Variants in CHAF1B observed in about 807,000 individuals in gnomAD.
The protein encoded by CHAF1B is chromatin assembly factor 1 subunit B, also known as CAF-1 subunit B.
Under a neutral mutation model 60.7 loss-of-function variants are expected in CHAF1B, and 10 were observed. The ratio of observed to expected loss-of-function variants is 0.16; its 90% CI spans 0.10 to 0.28. The LOEUF (loss-of-function observed/expected upper bound fraction) is 0.28, where lower values mean the gene tolerates loss of function less well. CHAF1B is among the 10% of genes least tolerant of loss of function. The probability of loss-of-function intolerance (pLI) is 1.00; values close to 1 mark genes in which losing one functional copy is unlikely to be tolerated. For missense variants in CHAF1B, 558 were observed against 708.4 expected (o/e 0.79, Z 2.41); for synonymous variants, 261 against 266.1 (o/e 0.98, Z 0.19).
At chr21:36,407,318 G>A (rs1014983373) in intron 8 of CHAF1B, among the ~76,000 whole-genome samples, 14 of 142,970 alleles carry the variant, frequency 9.8e-5, no homozygotes, top group African/African-American at 3.7e-4. Flanking sequence ...AAAAAAAAAA[G>A]TATATGTTCA....
intron 8 of CHAF1B, among the ~76,000 whole-genome samples, chr21:36,403,289 C>G (rs117284714): frequency 0.02 from 3,005 of 151,752 alleles, 55 homozygotes; most frequent in Admixed American, 0.043. Context: ...GAAACACCCT[C>G]TCTATTAAAA....
At chr21:36,393,100 C>G (rs907030938) in intron 4 of CHAF1B, among the ~76,000 whole-genome samples, 3 of 152,308 alleles carry the variant, frequency 2.0e-5, no homozygotes, top group Non-Finnish European at 4.4e-5. Context: ...CAATCCCAGG[C>G]ACTCGGCAGG....
intron 12 of CHAF1B, among the ~76,000 whole-genome samples, chr21:36,413,673 C>A (rs1317853446): frequency 6.6e-6 from 1 of 152,222 alleles, no homozygotes; most frequent in Non-Finnish European, 1.5e-5. Context: ...TTTGAGGCCT[C>A]TGTCCTTCCC....
At chr21:36,416,164 T>C (rs2086317530) in intron 13 of CHAF1B, 111 bp from the exon 14 acceptor site, 5 of 907,352 alleles carry the variant, frequency 5.5e-6, no homozygotes, top group African/African-American at 3.3e-5. Context: ...CAGTATAGGA[T>C]CTTGCCAGGC....
rs566692589 is a variant in CHAF1B at position 36,396,276 on chromosome 21, A to G, written c.482-1139A>G. 2.7e-5 allele frequency among the ~76,000 whole-genome samples: 4 copies of G among 147,060 alleles called. No homozygotes were observed. In the East Asian group the frequency reaches 8.3e-4, roughly 31 times the overall value. On this transcript the variant is annotated intron_variant, in intron 5 of 13. Transcript: ENST00000314103. ...CGGCCTCCCAAAGTGCTGGGATTAC[A>G]GGCATGAGCCATTGCGACTGGCCAG...
At position 36,418,167 on chromosome 21, in the gene CHAF1B, C is replaced by T. The variant is rs1234692576; in HGVS notation, c.*1801C>T. ...TAGCTGGGATTACAGGCACCCGCCA[C>T]CACGCCCGGCTAATTTTTGTATTTT... On this transcript the variant is annotated 3_prime_UTR_variant, in exon 14 of 14. Transcript: ENST00000314103. 6.6e-6 allele frequency: 1 copy of T among 152,184 alleles called. No individual in the cohort carries two copies. The highest frequency in any genetic ancestry group is 1.9e-4 in the East Asian group (1 of 5,146). The allele number at this position is 152,184 out of a possible 1,614,324, so 9.4% of individuals were successfully genotyped here.
chr21:36,405,520 C>T (rs1270246135), intron 8 of CHAF1B, among the ~76,000 whole-genome samples: 2 of 152,054 alleles, frequency 1.3e-5, no homozygotes, highest in Non-Finnish European at 2.9e-5. Context: ...GCCTTGATCT[C>T]CTGAGTTCAG....
At position 36,399,615 on chromosome 21, in the gene CHAF1B, A is replaced by G; in HGVS notation, c.663+10A>G. 2 of 1,611,882 alleles carry G rather than the reference A, an allele frequency of 1.2e-6. No individual in the cohort carries two copies. The highest frequency in any genetic ancestry group is 1.7e-6 in the Non-Finnish European group (2 of 1,178,062). On this transcript the variant is annotated intron_variant, in intron 7 of 13. Transcript: ENST00000314103. ...AGGGGCTGAAGGAGAGGTATAAAAT[A>G]TTTTGCCATTCTTTTTCAGCAGCGC...
chr21:36,402,319 T>C (rs1434809217), intron 7 of CHAF1B, among the ~76,000 whole-genome samples: 1 of 152,002 alleles, frequency 6.6e-6, no homozygotes, highest in African/African-American at 2.4e-5. Flanking sequence ...ATCTAAAGAG[T>C]GCATTCAGTT....
chr21:36,393,980 A>G (rs1430506590), intron 4 of CHAF1B, among the ~76,000 whole-genome samples: 1 of 151,972 alleles, frequency 6.6e-6, no homozygotes, highest in Non-Finnish European at 1.5e-5. Flanking sequence ...GCTCACTGCA[A>G]TCTCTGCCTG....
intron 4 of CHAF1B, among the ~76,000 whole-genome samples, chr21:36,393,843 C>T (rs1355997905): frequency 1.3e-5 from 2 of 152,094 alleles, no homozygotes; most frequent in African/African-American, 4.8e-5. Context: ...ATGCTTAGTT[C>T]TGGAGATTGT....
chr21:36,411,675 T>C, intron 11 of CHAF1B, 71 bp downstream of exon 11: 1 of 1,553,658 alleles, frequency 6.4e-7, no homozygotes. Context: ...ACCCCGGGGT[T>C]AGGGAGCATT....
intron 4 of CHAF1B, among the ~76,000 whole-genome samples, chr21:36,394,045 T>G (rs2086116684): frequency 6.6e-6 from 1 of 151,388 alleles, no homozygotes; most frequent in South Asian, 2.1e-4. Context: ...ACTACAGGTG[T>G]GCGCCACCAC....
At chr21:36,411,626 A>G (rs1601568836) in intron 11 of CHAF1B, 22 bp downstream of exon 11, 1 of 1,613,382 alleles carries the variant, frequency 6.2e-7, no homozygotes, top group Non-Finnish European at 8.5e-7. Context: ...CTAATGAGGG[A>G]GAGTGAGTGA....
chr21:36,387,112 T>C (rs753796054), intron 2 of CHAF1B, among the ~76,000 whole-genome samples: 7 of 152,292 alleles, frequency 4.6e-5, no homozygotes, highest in Non-Finnish European at 7.4e-5. Flanking sequence ...CAAGTTGCTC[T>C]AGAAAGAAGG....
intron 13 of CHAF1B, chr21:36,415,828 C>T (rs1393090146): frequency 2.6e-6 from 1 of 384,852 alleles, no homozygotes; most frequent in Non-Finnish European, 5.0e-6. Flanking sequence ...TTTCGGCTCA[C>T]TGCAGCCTCC....
At chr21:36,407,358 T>G (rs1158796838) in intron 8 of CHAF1B, among the ~76,000 whole-genome samples, 1 of 150,554 alleles carries the variant, frequency 6.6e-6, no homozygotes, top group African/African-American at 2.4e-5. Flanking sequence ...TTGTTTATAG[T>G]GGTAAAAAAC....
chr21:36,416,438 C>A lies in CHAF1B; in HGVS notation c.*72C>A. 7.9e-7 allele frequency: 1 copy of A among 1,265,294 alleles called. No homozygotes were observed. The highest frequency in any genetic ancestry group is 1.1e-6 in the Non-Finnish European group (1 of 895,954). 78.4% of individuals were successfully genotyped at this position (1,265,294 alleles called of 1,614,324 possible). ...CAGGGAGACGGTAAAGCTGGAGGTGCCTGAGACCAGGGCTTCCATGGAGCG... is the reference window on the plus strand; with the variant it reads ...CAGGGAGACGGTAAAGCTGGAGGTGACTGAGACCAGGGCTTCCATGGAGCG... On this transcript the variant is annotated 3_prime_UTR_variant, in exon 14 of 14. Transcript: ENST00000314103.
rs965929303 is a variant in CHAF1B, at chr21:36,385,416, A to T, written c.-113A>T. The T allele has an allele frequency of 6.6e-6, 1 of 151,736 alleles. No homozygotes were observed. The highest frequency in any genetic ancestry group is 2.4e-5 in the African/African-American group (1 of 41,228). 9.4% of individuals were successfully genotyped at this position (151,736 alleles called of 1,614,324 possible). ...CGGGAAGCGGCGCGCGCTGCGCGGG[A>T]GGTGACGGTGCCTCTGACTGTCCGG... On this transcript the variant is annotated 5_prime_UTR_variant, in exon 1 of 14. Coordinates refer to ENST00000314103, the MANE Select transcript of CHAF1B (RefSeq NM_005441.3).
Sources: allele counts gnomAD v4.1 joint callset (sites outside exome capture counted in the v4.1 genomes callset), GRCh38; gene constraint gnomAD v4.1.1; transcripts MANE v1.5; gene names NCBI Gene and HGNC (gene_info 2026-07-23, HGNC 2026-07-21).